The following ARHGEF4 variants were observed in gnomAD, a reference collection of about 807,000 sequenced individuals.
The protein encoded by ARHGEF4 is APC-stimulated guanine nucleotide exchange factor 1.
ARHGEF4 carries 119 observed loss-of-function variants against 162.0 expected under a neutral mutation model. That is an observed-to-expected ratio of 0.73 (90% confidence interval 0.63 to 0.86). The LOEUF is 0.86. Ranked by LOEUF, ARHGEF4 falls within the 40% of genes least tolerant of loss-of-function variation. The pLI is 0.00. For synonymous variants in ARHGEF4, 1,014 were observed against 979.9 expected (o/e 1.03, Z -0.65); for missense variants, 2,488 against 2,456.0 (o/e 1.01, Z -0.28).
chr2:130,995,976 G>A (rs944416053), intron 4 of ARHGEF4, among the ~76,000 whole-genome samples: 4 of 147,406 alleles, frequency 2.7e-5, no homozygotes, highest in African/African-American at 1.0e-4. Flanking sequence ...TGCAACCTCC[G>A]CCTCCCAGGT....
In ARHGEF4 at chr2:130,916,632, A is replaced by G. The variant is rs1416322224; in HGVS notation, c.2686A>G (p.Lys896Glu). The change falls in exon 2 of 14, where the codon AAG (lysine) becomes GAG (glutamate). Residue 896 changes from lysine to glutamate, a missense_variant. Transcript: ENST00000409359. ...RGPSSESCNA[K>E]RLKTTEKKLR... is the part of the protein sequence containing the mutation. ...GCCTTCCTCTGAGAGCTGCAACGCA[A>G]AGAGACTCAAAACAACGGAGAAAAA... The G allele has an allele frequency of 1.2e-5, 18 of 1,550,470 alleles. No homozygotes were observed. The Admixed American group carries it at 2.9e-4, about 25-fold the overall frequency.
intron 1 of ARHGEF4, among the ~76,000 whole-genome samples, chr2:130,839,867 C>T (rs902923066): frequency 9.9e-5 from 15 of 152,188 alleles, no homozygotes; most frequent in Admixed American, 9.8e-4. Flanking sequence ...GTCCTACTCT[C>T]TGGTACATGT....
chr2:131,035,108 A>G (rs1308267629), intron 5 of ARHGEF4: 11 of 1,115,398 alleles, frequency 9.9e-6, no homozygotes, highest in Non-Finnish European at 1.2e-5. Flanking sequence ...AGGGCCCCGC[A>G]GCCCCGGCGC....
intron 4 of ARHGEF4, among the ~76,000 whole-genome samples, chr2:130,969,476 G>A (rs1169521340): frequency 6.6e-6 from 1 of 152,010 alleles, no homozygotes; most frequent in East Asian, 1.9e-4. Flanking sequence ...GTGGGTGCCT[G>A]TAGTCCCAGC....
intron 3 of ARHGEF4, among the ~76,000 whole-genome samples, chr2:130,942,549 T>C (rs1265291996): frequency 3.9e-5 from 6 of 152,094 alleles, no homozygotes; most frequent in African/African-American, 1.2e-4. Context: ...CTGAAAAAAG[T>C]ATGAAAAGAA....
At chr2:130,984,222 A>T (rs929064159) in intron 4 of ARHGEF4, among the ~76,000 whole-genome samples, 3 of 152,122 alleles carry the variant, frequency 2.0e-5, no homozygotes, top group Non-Finnish European at 4.4e-5. Flanking sequence ...CCCAGACTCC[A>T]AAGAACATTG....
rs2288189 is a variant in ARHGEF4 at position 131,043,370 on chromosome 2, G to A, written c.5026-82G>A. The A allele has an allele frequency of 7.7e-5, 122 of 1,576,818 alleles. No homozygotes were observed. In the African/African-American group the frequency reaches 1.4e-3, roughly 18 times the overall value. ...TGCAGGCAAGGCCAGGGGGAGGTGCGCCACCCACCCATGATGGGGGCAGGA... is the reference window on the plus strand; with the variant it reads ...TGCAGGCAAGGCCAGGGGGAGGTGCACCACCCACCCATGATGGGGGCAGGA... On this transcript the variant is annotated intron_variant, in intron 10 of 13. Transcript: ENST00000409359.
intron 2 of ARHGEF4, among the ~76,000 whole-genome samples, chr2:130,926,032 C>T (rs1387244267): frequency 9.4e-6 from 1 of 106,242 alleles, no homozygotes; most frequent in African/African-American, 5.3e-5. Flanking sequence ...TTCTTTCTTT[C>T]TTTCTTTCTT....
chr2:130,957,605 TTG>T (rs754120781), intron 4 of ARHGEF4, among the ~76,000 whole-genome samples: 19 of 152,312 alleles, frequency 1.2e-4, no homozygotes, highest in Non-Finnish European at 2.4e-4. Flanking sequence ...GGCTGGATGT[TTG>T]TGTTCCTCCA....
At chr2:130,869,022 T>C (rs1057155649) in intron 1 of ARHGEF4, among the ~76,000 whole-genome samples, 7 of 152,214 alleles carry the variant, frequency 4.6e-5, no homozygotes, top group Non-Finnish European at 2.9e-5. Flanking sequence ...TGCACTTCAT[T>C]ACCTCAGCCC....
In ARHGEF4 at chr2:131,046,873, C is replaced by T. The variant is rs1408440514; in HGVS notation, c.*684C>T. The stretch of plus-strand genomic sequence containing the variant: ...CCAGTCGGGAGTGTGGTCAGTCTGC[C>T]TGCTGCTGTGCGGTAGCTCCAGAAC... On this transcript the variant is annotated 3_prime_UTR_variant, in exon 14 of 14. Coordinates refer to ENST00000409359, the MANE Select transcript of ARHGEF4 (RefSeq NM_001367493.1). The T allele has an allele frequency of 6.5e-6, 1 of 152,708 alleles. No homozygotes were observed. Among genetic ancestry groups the T allele is most frequent in the Non-Finnish European group, 1.5e-5 (1 of 68,064 alleles). 9.5% of individuals were successfully genotyped at this position (152,708 alleles called of 1,614,324 possible).
At chr2:130,983,657 A>C (rs1255781788) in intron 4 of ARHGEF4, among the ~76,000 whole-genome samples, 1 of 149,302 alleles carries the variant, frequency 6.7e-6, no homozygotes, top group Non-Finnish European at 1.5e-5. Flanking sequence ...TATTTATTTA[A>C]TTTTTTTTTT....
At chr2:130,948,391 A>G (rs753386548) in intron 4 of ARHGEF4, among the ~76,000 whole-genome samples, 1 of 152,238 alleles carries the variant, frequency 6.6e-6, no homozygotes, top group African/African-American at 2.4e-5. Context: ...GTGTTGAAGA[A>G]ACTTTCCCAA....
chr2:130,977,390 TGTG>T (rs1006144202), intron 4 of ARHGEF4, among the ~76,000 whole-genome samples: 11 of 151,812 alleles, frequency 7.2e-5, no homozygotes, highest in African/African-American at 2.7e-4. Context: ...TTGTGTGTGT[TGTG>T]TGATGTGTTT....
At chr2:130,857,576 G>A (rs1157437277) in intron 1 of ARHGEF4, among the ~76,000 whole-genome samples, 9 of 33,038 alleles carry the variant, frequency 2.7e-4, no homozygotes, top group Admixed American at 6.6e-4. Context: ...AGATTAAACT[G>A]TCACACTAGA....
Position 130,916,922 on chromosome 2 carries a change from G to A in ARHGEF4, c.2976G>A (p.Ala992=), listed in dbSNP as rs1025367046. 46 of 1,550,596 alleles carry A rather than the reference G, an allele frequency of 3.0e-5. No homozygotes were observed. The East Asian group carries it at 6.8e-4, about 23-fold the overall frequency. The change falls in exon 2 of 14, where the codon GCG becomes GCA. Residue 992 remains alanine, a synonymous_variant. Coordinates refer to ENST00000409359, the MANE Select transcript of ARHGEF4 (RefSeq NM_001367493.1). ...CCGACAGCCACTGTGAGGAACGGGC[G>A]GAGGACAAAGAGGGCTATGTTTTTA... The part of the protein sequence containing the change: ...AETDSHCEER[A]EDKEGYVFSD...
chr2:130,876,486 G>A (rs531949001), intron 1 of ARHGEF4, among the ~76,000 whole-genome samples: 52 of 152,126 alleles, frequency 3.4e-4, no homozygotes, highest in Non-Finnish European at 6.5e-4. Flanking sequence ...CCGCCTCCTC[G>A]GTTCACGCCA....
chr2:130,903,670 T>C (rs908915995), intron 1 of ARHGEF4, among the ~76,000 whole-genome samples: 1 of 152,314 alleles, frequency 6.6e-6, no homozygotes, highest in South Asian at 2.1e-4. Flanking sequence ...TGGTACCCAA[T>C]AGGTAGTTTT....
At chr2:130,925,215 A>G (rs910990593) in intron 2 of ARHGEF4, among the ~76,000 whole-genome samples, 2 of 152,274 alleles carry the variant, frequency 1.3e-5, no homozygotes, top group Admixed American at 1.3e-4. Context: ...AGTGAGGGGA[A>G]TCAATAATTG....
Sources: allele counts gnomAD v4.1 joint callset (sites outside exome capture counted in the v4.1 genomes callset), GRCh38; gene constraint gnomAD v4.1.1; transcripts MANE v1.5; gene names NCBI Gene and HGNC (gene_info 2026-07-23, HGNC 2026-07-21).